Variants in QRFPR observed in about 807,000 individuals in gnomAD.
QRFPR encodes pyroglutamylated RFamide peptide receptor.
In QRFPR, 37 loss-of-function variants were observed where a neutral mutation model predicts 31.3. That is an observed-to-expected ratio of 1.18 (90% CI 0.91 to 1.56). QRFPR has a LOEUF of 1.56. Among genes scored for constraint, QRFPR ranks in the 40% most tolerant of loss-of-function variants. The probability of loss-of-function intolerance (pLI) is 0.00; values close to 1 mark genes in which losing one functional copy is unlikely to be tolerated. For synonymous variants in QRFPR, 197 were observed against 192.0 expected, an observed-to-expected ratio of 1.03 and a Z score of -0.22; for missense variants, 542 against 532.5, an observed-to-expected ratio of 1.02 and a Z score of -0.18.
intron 1 of QRFPR, among the ~76,000 whole-genome samples, chr4:121,343,863 A>G (rs72668966): frequency 0.027 from 4,060 of 152,322 alleles, 83 homozygotes; most frequent in Middle Eastern, 0.075. Context: ...TGTGTATTAC[A>G]GCACAGGGTA....
At position 121,365,537 on chromosome 4, in the gene QRFPR, ATATATT is replaced by A. The variant is rs1726087055; in HGVS notation, c.340+14765_340+14770del. ...ATATATTATATATATTATATATAAT[ATATATT>A]ATATATAATATATAATATATATTAT... On this transcript the variant is annotated intron_variant, in intron 1 of 5. Coordinates refer to ENST00000394427, the MANE Select transcript of QRFPR (RefSeq NM_198179.3). Among the ~76,000 whole-genome samples, 2 of 8,500 alleles carry A rather than the reference ATATATT, an allele frequency of 2.4e-4. 1 individual carries two copies. Among genetic ancestry groups the A allele is most frequent in the East Asian group, 9.0e-3 (2 of 222 alleles). 5.6% of individuals were successfully genotyped at this position (8,500 alleles called of 152,430 possible).
At chr4:121,368,227 G>A (rs1389500331) in intron 1 of QRFPR, among the ~76,000 whole-genome samples, 14 of 149,756 alleles carry the variant, frequency 9.3e-5, no homozygotes, top group Non-Finnish European at 1.3e-4. Context: ...TCCCACAGAC[G>A]TTCCAGGCCC....
chr4:121,356,469 C>T (rs1725873474), intron 1 of QRFPR, among the ~76,000 whole-genome samples: 1 of 152,124 alleles, frequency 6.6e-6, no homozygotes, highest in South Asian at 2.1e-4. Flanking sequence ...TGTTTGTGAA[C>T]ATTTGTCAAT....
At chr4:121,380,139 G>A (rs1303064132) in intron 1 of QRFPR, among the ~76,000 whole-genome samples, 169 bp downstream of exon 1, 2 of 146,990 alleles carry the variant, frequency 1.4e-5, no homozygotes, top group Non-Finnish European at 3.0e-5. Context: ...ATTTGACAGA[G>A]AAGTGTAAGG....
intron 1 of QRFPR, among the ~76,000 whole-genome samples, chr4:121,351,916 A>G (rs1725768383): frequency 6.6e-6 from 1 of 151,750 alleles, no homozygotes; most frequent in Non-Finnish European, 1.5e-5. Flanking sequence ...CATTAATAAT[A>G]TTTCAAAAGA....
At chr4:121,357,805 C>T (rs1560740804) in intron 1 of QRFPR, among the ~76,000 whole-genome samples, 1 of 152,200 alleles carries the variant, frequency 6.6e-6, no homozygotes, top group Admixed American at 6.5e-5. Flanking sequence ...AGAGCCCTCA[C>T]TTCAAGGTCT....
At chr4:121,335,997 C>T (rs1419714082) in intron 3 of QRFPR, among the ~76,000 whole-genome samples, 3 of 150,984 alleles carry the variant, frequency 2.0e-5, no homozygotes, top group East Asian at 3.9e-4. Context: ...TGAAAAAAAT[C>T]AGGTTACTTT....
chr4:121,330,431 T>C lies in QRFPR; in HGVS notation c.890A>G (p.Glu297Gly), dbSNP rs754133303. 2 of 1,602,880 alleles carry C rather than the reference T, an allele frequency of 1.2e-6. No individual in the cohort carries two copies. Among genetic ancestry groups the C allele is most frequent in the Admixed American group, 3.3e-5 (2 of 60,000 alleles). Residue 297 changes from glutamate to glycine, a missense_variant, in exon 5 of 6, where the codon GAA (glutamate) becomes GGA (glycine). Glu to Gly is a moderately conservative substitution (Grantham distance 98). Transcript: ENST00000394427. ...APFHVVHMMI[E>G]YSNFEKEYDD... Reference sequence around the variant, plus strand: ...TGAGAATGACAAGCACTCACTGTATTCAATCATCATATGGACAACATGGAA... The same window carrying C: ...TGAGAATGACAAGCACTCACTGTATCCAATCATCATATGGACAACATGGAA...
chr4:121,360,433 C>G (rs980454077), intron 1 of QRFPR, among the ~76,000 whole-genome samples: 3 of 152,144 alleles, frequency 2.0e-5, no homozygotes, highest in Admixed American at 6.6e-5. Flanking sequence ...AAAGCATTAT[C>G]ACTTCGATGG....
At chr4:121,370,418 G>T in intron 1 of QRFPR, 1 of 641,488 alleles carries the variant, frequency 1.6e-6, no homozygotes. Context: ...TGACGACTAA[G>T]CTGACAGATG....
At chr4:121,349,052 G>A (rs932530745) in intron 1 of QRFPR, among the ~76,000 whole-genome samples, 2 of 151,932 alleles carry the variant, frequency 1.3e-5, no homozygotes, top group Non-Finnish European at 2.9e-5. Context: ...AGCCAAGATC[G>A]CGCCACTGCA....
chr4:121,369,332 T>A, intron 1 of QRFPR: 2 of 599,080 alleles, frequency 3.3e-6, no homozygotes, highest in East Asian at 2.7e-5. Flanking sequence ...CCCAGCTGAT[T>A]AAGTTTTTAA....
At chr4:121,357,386 A>G (rs564366003) in intron 1 of QRFPR, among the ~76,000 whole-genome samples, 18 of 152,280 alleles carry the variant, frequency 1.2e-4, no homozygotes, top group African/African-American at 3.9e-4. Flanking sequence ...GAAAGAAGGC[A>G]GTCGAATATT....
intron 1 of QRFPR, among the ~76,000 whole-genome samples, chr4:121,355,262 A>C (rs1725844074): frequency 6.6e-6 from 1 of 152,054 alleles, no homozygotes; most frequent in Admixed American, 6.6e-5. Context: ...TTGCTGGTCT[A>C]TTCGGCTTTT....
chr4:121,342,960 T>A (rs1444448559), intron 1 of QRFPR, among the ~76,000 whole-genome samples: 1 of 152,210 alleles, frequency 6.6e-6, no homozygotes, highest in African/African-American at 2.4e-5. Context: ...GACAGAAGCC[T>A]TCATGTCACT....
intron 1 of QRFPR, among the ~76,000 whole-genome samples, chr4:121,358,316 G>T (rs1330612634): frequency 1.3e-5 from 2 of 152,138 alleles, no homozygotes; most frequent in Non-Finnish European, 2.9e-5. Context: ...TGTAATGTTA[G>T]CTAATTTTTC....
intron 1 of QRFPR, among the ~76,000 whole-genome samples, chr4:121,355,923 T>C (rs1725860676): frequency 6.6e-6 from 1 of 152,162 alleles, no homozygotes; most frequent in South Asian, 2.1e-4. Flanking sequence ...TCAGAGAAGA[T>C]ACTTGATATA....
chr4:121,369,690 A>G, intron 1 of QRFPR: 1 of 1,583,844 alleles, frequency 6.3e-7, no homozygotes, highest in Non-Finnish European at 8.7e-7. Context: ...CACTTATCTG[A>G]CAAGTTTCTG....
intron 3 of QRFPR, among the ~76,000 whole-genome samples, chr4:121,334,965 G>A (rs1560733291): frequency 6.6e-6 from 1 of 152,080 alleles, no homozygotes; most frequent in Non-Finnish European, 1.5e-5. Context: ...AAAACCATCT[G>A]AGCATGGCCT....
Sources: allele counts gnomAD v4.1 joint callset (sites outside exome capture counted in the v4.1 genomes callset), GRCh38; gene constraint gnomAD v4.1.1; transcripts MANE v1.5; gene names NCBI Gene and HGNC (gene_info 2026-07-23, HGNC 2026-07-21).